NFIA: variants seen among roughly 807,000 people sequenced by gnomAD.
The protein encoded by NFIA is nuclear factor I A, also known as nuclear factor 1 A-type.
Under a neutral mutation model 62.8 loss-of-function variants are expected in NFIA, and 8 were observed. The ratio of observed to expected loss-of-function variants is 0.13; its 90% CI spans 0.07 to 0.23. The LOEUF (loss-of-function observed/expected upper bound fraction) is 0.23, where lower values mean the gene tolerates loss of function less well. Ranked by LOEUF, NFIA falls within the 10% of genes least tolerant of loss-of-function variation. The pLI is 1.00. For missense variants in NFIA, 410 were observed against 642.1 expected, an observed-to-expected ratio of 0.64 and a Z score of 3.91; for synonymous variants, 235 against 238.1, an observed-to-expected ratio of 0.99 and a Z score of 0.12.
intron 4 of NFIA, among the ~76,000 whole-genome samples, chr1:61,341,627 G>A (rs999949456): frequency 6.6e-6 from 1 of 152,060 alleles, no homozygotes; most frequent in African/African-American, 2.4e-5. Flanking sequence ...ACAGGCACGC[G>A]TTGCCACATC....
At chr1:61,405,386 C>A (rs967166043) in intron 8 of NFIA, among the ~76,000 whole-genome samples, 1 of 152,192 alleles carries the variant, frequency 6.6e-6, no homozygotes, top group African/African-American at 2.4e-5. Flanking sequence ...GCACAGCATT[C>A]TGATCGTCAG....
intron 3 of NFIA, among the ~76,000 whole-genome samples, chr1:61,280,492 ATTC>A (rs1658067894): frequency 6.6e-6 from 1 of 152,216 alleles, no homozygotes. Context: ...AAAAAATAAT[ATTC>A]TTTTTATCCT....
At chr1:61,249,511 A>G (rs991735111) in intron 2 of NFIA, among the ~76,000 whole-genome samples, 1 of 152,296 alleles carries the variant, frequency 6.6e-6, no homozygotes, top group Non-Finnish European at 1.5e-5. Flanking sequence ...GCTCACGCCT[A>G]TAATCCAAGC....
At chr1:61,201,737 G>A (rs1652511981) in intron 2 of NFIA, among the ~76,000 whole-genome samples, 1 of 152,236 alleles carries the variant, frequency 6.6e-6, no homozygotes, top group Middle Eastern at 3.4e-3. Context: ...AGGCAGTGGT[G>A]TGCTCTCCTT....
intron 2 of NFIA, among the ~76,000 whole-genome samples, chr1:61,133,356 C>A (rs1039763867): frequency 6.6e-6 from 1 of 151,632 alleles, no homozygotes; most frequent in Admixed American, 6.6e-5. Context: ...TAATGAGTCT[C>A]ATAAACTGGC....
chr1:61,118,876 C>T (rs1422400605), intron 2 of NFIA, among the ~76,000 whole-genome samples: 1 of 152,048 alleles, frequency 6.6e-6, no homozygotes, highest in Non-Finnish European at 1.5e-5. Context: ...GCTGTTATAG[C>T]AGCAGAGGGC....
intron 2 of NFIA, among the ~76,000 whole-genome samples, chr1:61,179,451 G>A (rs1650606613): frequency 6.6e-6 from 1 of 152,186 alleles, no homozygotes; most frequent in African/African-American, 2.4e-5. Flanking sequence ...GCTATAAAGT[G>A]GACATAGCTG....
chr1:61,096,357 G>A (rs554413871), intron 2 of NFIA, among the ~76,000 whole-genome samples: 3 of 151,738 alleles, frequency 2.0e-5, no homozygotes, highest in South Asian at 2.1e-4. Context: ...GTGATTACAG[G>A]CATGCACCCC....
intron 10 of NFIA, among the ~76,000 whole-genome samples, chr1:61,447,493 G>A (rs1006763173): frequency 2.0e-5 from 3 of 152,080 alleles, no homozygotes; most frequent in Admixed American, 6.6e-5. Context: ...AAATAAAGCC[G>A]CGAAACCCCG....
At chr1:61,384,797 T>C (rs1394392024) in intron 7 of NFIA, among the ~76,000 whole-genome samples, 6 of 152,034 alleles carry the variant, frequency 3.9e-5, no homozygotes, top group African/African-American at 1.4e-4. Context: ...AGGAGCTCAG[T>C]ATTGGGGGGA....
intron 6 of NFIA, among the ~76,000 whole-genome samples, chr1:61,365,863 C>A (rs976868175): frequency 9.9e-5 from 15 of 152,136 alleles, no homozygotes; most frequent in Non-Finnish European, 1.8e-4. Context: ...GAAATATCAT[C>A]ATTAGGATTA....
At chr1:61,147,977 G>A (rs1480561242) in intron 2 of NFIA, among the ~76,000 whole-genome samples, 2 of 152,126 alleles carry the variant, frequency 1.3e-5, no homozygotes, top group African/African-American at 4.8e-5. Context: ...TTCCCTCCAG[G>A]TGTGAATAGT....
At chr1:61,159,745 G>A (rs969327764) in intron 2 of NFIA, among the ~76,000 whole-genome samples, 2 of 141,666 alleles carry the variant, frequency 1.4e-5, no homozygotes, top group South Asian at 2.2e-4. Context: ...GCAGTGGCTC[G>A]ATCTCGGCTC....
At chr1:61,077,348 AAG>A (rs1237411003), upstream of NFIA, 11 of 354,354 alleles carry the variant, frequency 3.1e-5, no homozygotes, top group East Asian at 1.3e-4. Context: ...TCGCTTTCAA[AAG>A]AGAGAGTGAG....
At chr1:61,452,478 T>C (rs953125362) in intron 10 of NFIA, among the ~76,000 whole-genome samples, 12 of 152,236 alleles carry the variant, frequency 7.9e-5, no homozygotes, top group Admixed American at 3.9e-4. Flanking sequence ...AGTTTAAGAA[T>C]AGGTTTTGGT....
At chr1:61,118,191 C>CAAAAAA (rs10719154) in intron 2 of NFIA, among the ~76,000 whole-genome samples, 4 of 131,278 alleles carry the variant, frequency 3.0e-5, no homozygotes, top group Non-Finnish European at 6.5e-5. Context: ...TCTCAAAGAA[C>CAAAAAA]AAAAAAAAAA....
intron 2 of NFIA, among the ~76,000 whole-genome samples, chr1:61,190,579 AATCT>A: frequency 6.6e-6 from 1 of 152,288 alleles, no homozygotes; most frequent in South Asian, 2.1e-4. Flanking sequence ...AATGATAGCT[AATCT>A]ATCTCAGGGT....
At chr1:61,351,558 T>C (rs1662551877) in intron 4 of NFIA, among the ~76,000 whole-genome samples, 1 of 152,212 alleles carries the variant, frequency 6.6e-6, no homozygotes, top group Non-Finnish European at 1.5e-5. Context: ...ACCACTAATT[T>C]TACGGAGTTG....
chr1:61,280,439 A>G (rs1046845145), intron 3 of NFIA, among the ~76,000 whole-genome samples: 2 of 109,584 alleles, frequency 1.8e-5, no homozygotes, highest in African/African-American at 5.7e-5. Flanking sequence ...CTTCACATAT[A>G]TGTATGTGTG....
Sources: allele counts gnomAD v4.1 joint callset (sites outside exome capture counted in the v4.1 genomes callset), GRCh38; gene constraint gnomAD v4.1.1; transcripts MANE v1.5; gene names NCBI Gene and HGNC (gene_info 2026-07-23, HGNC 2026-07-21).